Variants in SENP7 observed in about 807,000 individuals in gnomAD.
The protein encoded by SENP7 is SUMO specific peptidase 7, also known as sentrin-specific protease 7.
A neutral mutation model predicts 141.2 loss-of-function variants in SENP7; 64 were observed. The observed-to-expected ratio is 0.45, with a 90% CI of 0.37 to 0.56. SENP7 has a LOEUF of 0.56. Ranked by LOEUF, SENP7 falls within the 20% of genes least tolerant of loss-of-function variation. SENP7 has a pLI of 0.00. For missense variants in SENP7, 1,025 were observed against 1,212.2 expected (o/e 0.85, Z 2.29); for synonymous variants, 382 against 426.4 (o/e 0.90, Z 1.28).
chr3:101,425,762 C>T (rs1006071314), intron 4 of SENP7, among the ~76,000 whole-genome samples: 1 of 152,022 alleles, frequency 6.6e-6, no homozygotes, highest in African/African-American at 2.4e-5. Flanking sequence ...AGCTAAGAAT[C>T]ACAATAAAAA....
At chr3:101,430,137 C>A (rs1443516958) in intron 4 of SENP7, among the ~76,000 whole-genome samples, 1 of 151,964 alleles carries the variant, frequency 6.6e-6, no homozygotes, top group Non-Finnish European at 1.5e-5. Context: ...GAGATATTGG[C>A]CTAAAATTTT....
At chr3:101,428,031 CT>C (rs1233010599) in intron 4 of SENP7, among the ~76,000 whole-genome samples, 2 of 152,090 alleles carry the variant, frequency 1.3e-5, no homozygotes, top group Non-Finnish European at 2.9e-5. Context: ...TGAAATCATC[CT>C]TTTTTATGGC....
At chr3:101,445,638 A>C (rs570434043) in intron 4 of SENP7, among the ~76,000 whole-genome samples, 1 of 152,290 alleles carries the variant, frequency 6.6e-6, no homozygotes, top group East Asian at 1.9e-4. Flanking sequence ...ACAAGACCAA[A>C]CTATACTCTT....
Position 101,372,145 on chromosome 3 carries a change from T to C in SENP7, c.678-19A>G, listed in dbSNP as rs1168143845. On this transcript the variant is annotated intron_variant, in intron 6 of 23. Coordinates refer to ENST00000394095, the MANE Select transcript of SENP7 (RefSeq NM_020654.5). ...TGAGCCCCTGCAAAAGAGAACTGTA[T>C]TATACTCAATTCTAATAAAGCCCAA... 1 of 1,312,996 alleles carries C rather than the reference T, an allele frequency of 7.6e-7. No individual in the cohort carries two copies. Among genetic ancestry groups the C allele is most frequent in the Admixed American group, 2.1e-5 (1 of 48,460 alleles). 81.3% of individuals were successfully genotyped at this position (1,312,996 alleles called of 1,614,324 possible).
At chr3:101,405,487 C>G (rs967061739) in intron 5 of SENP7, among the ~76,000 whole-genome samples, 1 of 152,148 alleles carries the variant, frequency 6.6e-6, no homozygotes, top group Non-Finnish European at 1.5e-5. Context: ...GACAAGGAAC[C>G]AGAAAACCAA....
At chr3:101,384,621 G>C (rs1360926860) in intron 6 of SENP7, among the ~76,000 whole-genome samples, 2 of 152,220 alleles carry the variant, frequency 1.3e-5, no homozygotes, top group African/African-American at 2.4e-5. Flanking sequence ...GCTGTGCACA[G>C]TGGCCAGACC....
intron 17 of SENP7, among the ~76,000 whole-genome samples, chr3:101,335,653 CTTTCA>C (rs2059165166): frequency 6.6e-6 from 1 of 152,098 alleles, no homozygotes; most frequent in Non-Finnish European, 1.5e-5. Flanking sequence ...AATCTATCTA[CTTTCA>C]TTTCCTTAGT....
chr3:101,361,200 G>A (rs1466911293), intron 11 of SENP7, among the ~76,000 whole-genome samples: 2 of 145,428 alleles, frequency 1.4e-5, no homozygotes, highest in East Asian at 4.1e-4. Flanking sequence ...GTGAAACAGT[G>A]AGACTCTGTC....
At chr3:101,345,726 T>G (rs2059438327) in intron 13 of SENP7, among the ~76,000 whole-genome samples, 1 of 152,202 alleles carries the variant, frequency 6.6e-6, no homozygotes, top group South Asian at 2.1e-4. Flanking sequence ...TGTAGGAGAA[T>G]GAAACTGGAG....
chr3:101,486,828 C>G (rs2064749616), intron 3 of SENP7, among the ~76,000 whole-genome samples: 1 of 152,132 alleles, frequency 6.6e-6, no homozygotes. Context: ...TACAGAACTG[C>G]AGAATGGATA....
At chr3:101,493,395 A>G (rs751002290) in intron 3 of SENP7, among the ~76,000 whole-genome samples, 15 of 152,224 alleles carry the variant, frequency 9.9e-5, no homozygotes, top group Non-Finnish European at 2.1e-4. Context: ...TTAAAATAAA[A>G]GTTAAAAAAC....
chr3:101,418,737 A>G (rs910184608), intron 4 of SENP7, among the ~76,000 whole-genome samples: 1 of 152,038 alleles, frequency 6.6e-6, no homozygotes, highest in African/African-American at 2.4e-5. Context: ...TCCCCAAACC[A>G]TCTAGTGGGA....
intron 12 of SENP7, among the ~76,000 whole-genome samples, chr3:101,349,394 G>C (rs149064374): frequency 6.6e-6 from 1 of 152,122 alleles, no homozygotes; most frequent in Non-Finnish European, 1.5e-5. Flanking sequence ...TTGGTGTTTA[G>C]AATGAAAGCT....
chr3:101,443,500 G>C (rs2062762447), intron 4 of SENP7, among the ~76,000 whole-genome samples: 1 of 151,740 alleles, frequency 6.6e-6, no homozygotes, highest in Admixed American at 6.6e-5. Flanking sequence ...GGCATTGGTA[G>C]CTTGATGGGG....
chr3:101,364,063 A>T (rs2059970673), intron 10 of SENP7, among the ~76,000 whole-genome samples: 2 of 152,068 alleles, frequency 1.3e-5, no homozygotes, highest in Non-Finnish European at 2.9e-5. Flanking sequence ...TAAAAATAGT[A>T]TATATTTTAA....
chr3:101,460,466 T>C (rs2063509776), intron 3 of SENP7, among the ~76,000 whole-genome samples: 1 of 152,098 alleles, frequency 6.6e-6, no homozygotes. Context: ...TTTCAACAAA[T>C]AGTTCTAGAA....
chr3:101,506,802 C>T (rs749531368), intron 1 of SENP7, among the ~76,000 whole-genome samples: 7 of 152,324 alleles, frequency 4.6e-5, no homozygotes, highest in Middle Eastern at 3.4e-3. Context: ...CCTATAATCC[C>T]AGCACTTTGG....
chr3:101,390,838 C>A (rs1559758683), intron 6 of SENP7, among the ~76,000 whole-genome samples: 1 of 152,108 alleles, frequency 6.6e-6, no homozygotes, highest in Non-Finnish European at 1.5e-5. Flanking sequence ...CCAGGATAGA[C>A]CATATGTTAA....
intron 5 of SENP7, among the ~76,000 whole-genome samples, chr3:101,405,379 G>C (rs1416882531): frequency 6.6e-6 from 1 of 152,122 alleles, no homozygotes; most frequent in East Asian, 1.9e-4. Context: ...ATAGGAAAAG[G>C]GCGAGAGTAC....
Sources: allele counts gnomAD v4.1 joint callset (sites outside exome capture counted in the v4.1 genomes callset), GRCh38; gene constraint gnomAD v4.1.1; transcripts MANE v1.5; gene names NCBI Gene and HGNC (gene_info 2026-07-23, HGNC 2026-07-21).